Variants in CFAP57 observed in about 807,000 individuals in gnomAD.
The protein encoded by CFAP57 is cilia- and flagella-associated protein 57.
A neutral mutation model predicts 146.8 loss-of-function variants in CFAP57; 116 were observed. The ratio of observed to expected loss-of-function variants is 0.79; its 90% CI spans 0.68 to 0.92. The LOEUF (loss-of-function observed/expected upper bound fraction) is 0.92. Ranked by LOEUF, CFAP57 falls within the 40% of genes least tolerant of loss-of-function variation. The pLI, the probability that CFAP57 is intolerant of heterozygous loss-of-function variation, is 0.00. For synonymous variants in CFAP57, 518 were observed against 552.8 expected, an observed-to-expected ratio of 0.94 and a Z score of 0.88; for missense variants, 1,377 against 1,527.2, an observed-to-expected ratio of 0.90 and a Z score of 1.64.
chr1:43,173,355 T>A (rs1645050998), intron 2 of CFAP57, among the ~76,000 whole-genome samples: 1 of 152,258 alleles, frequency 6.6e-6, no homozygotes, highest in African/African-American at 2.4e-5. Flanking sequence ...CCCTTATTTT[T>A]GTTCACAGTG....
At chr1:43,176,974 G>T in intron 2 of CFAP57, 1 of 364,524 alleles carries the variant, frequency 2.7e-6, no homozygotes, top group South Asian at 2.0e-5. Flanking sequence ...GGTAAGAACC[G>T]GGGGGTGAGG....
chr1:43,223,388 T>G (rs1645125334), intron 16 of CFAP57, among the ~76,000 whole-genome samples: 1 of 152,186 alleles, frequency 6.6e-6, no homozygotes, highest in African/African-American at 2.4e-5. Flanking sequence ...GGAGGCATCC[T>G]CGGGCTCTTG....
chr1:43,177,396 A>G (rs980442394), intron 2 of CFAP57, among the ~76,000 whole-genome samples: 1 of 152,172 alleles, frequency 6.6e-6, no homozygotes, highest in African/African-American at 2.4e-5. Context: ...AGAAAGGGCT[A>G]AAGAAGGAGC....
At chr1:43,192,238 C>T (rs1235054982) in intron 6 of CFAP57, among the ~76,000 whole-genome samples, 3 of 152,244 alleles carry the variant, frequency 2.0e-5, no homozygotes, top group East Asian at 3.9e-4. Context: ...GTTCTATATA[C>T]GTCTGTTAGG....
chr1:43,234,450 C>T (rs747723502), intron 20 of CFAP57, 37 bp downstream of exon 20: 9 of 1,542,698 alleles, frequency 5.8e-6, no homozygotes, highest in Non-Finnish European at 7.9e-6. Context: ...GCACTGACCT[C>T]CGGGGTCTCC....
intron 9 of CFAP57, among the ~76,000 whole-genome samples, chr1:43,200,370 C>G (rs901435792): frequency 6.6e-6 from 1 of 151,436 alleles, no homozygotes; most frequent in Non-Finnish European, 1.5e-5. Context: ...ACCTGTGGTC[C>G]CAGTTACTTG....
chr1:43,172,449 G>C lies in CFAP57; in HGVS notation c.-24G>C. ...GTGGTCTGCTGACCCAGAGAGAAAC[G>C]AAAGGTGGGAGGGGGTACCTGGGGG... On this transcript the variant is annotated 5_prime_UTR_variant, in exon 1 of 23. Coordinates refer to ENST00000372492, the MANE Select transcript of CFAP57 (RefSeq NM_001378189.1). 1.9e-6 allele frequency: 3 copies of C among 1,547,868 alleles called. No individual in the cohort carries two copies. The highest frequency in any genetic ancestry group is 2.6e-6 in the Non-Finnish European group (3 of 1,144,766).
Position 43,234,487 on chromosome 1 carries a change from C to G in CFAP57, c.3262-8C>G. The G allele has an allele frequency of 6.5e-7, 1 of 1,546,586 alleles. No individual in the cohort carries two copies. Among genetic ancestry groups the G allele is most frequent in the Non-Finnish European group, 8.7e-7 (1 of 1,144,538 alleles). On this transcript the variant is annotated splice_polypyrimidine_tract_variant and splice_region_variant and intron_variant, in intron 20 of 22. Transcript: ENST00000372492. ...CTCCCTCACTGAGAATCTCCTGGGCCCCGTCAGGTGGAGATCGCAGGGCTG... is the reference window on the plus strand; with the variant it reads ...CTCCCTCACTGAGAATCTCCTGGGCGCCGTCAGGTGGAGATCGCAGGGCTG...
intron 2 of CFAP57, among the ~76,000 whole-genome samples, chr1:43,176,179 C>T (rs12024776): frequency 0.068 from 10,398 of 152,090 alleles, 711 homozygotes; most frequent in East Asian, 0.29. Flanking sequence ...TGGGAAGAAA[C>T]CCCCAATGTT....
At chr1:43,208,250 C>T (rs1644439754) in intron 10 of CFAP57, among the ~76,000 whole-genome samples, 1 of 152,144 alleles carries the variant, frequency 6.6e-6, no homozygotes, top group African/African-American at 2.4e-5. Context: ...GGTGATTCCT[C>T]AAGGATCTAG....
chr1:43,222,310 C>T lies in CFAP57; in HGVS notation c.2532+15C>T, dbSNP rs2124561301. The stretch of plus-strand genomic sequence containing the variant: ...TTCTGGAAGAGGTACTCACAGGAAG[C>T]CATGCTGTGCCTCCCTTTCACAGAG... On this transcript the variant is annotated intron_variant, in intron 15 of 22. Transcript: ENST00000372492. The T allele has an allele frequency of 7.1e-7, 1 of 1,406,730 alleles. No homozygotes were observed. 87.1% of individuals were successfully genotyped at this position (1,406,730 alleles called of 1,614,324 possible).
At chr1:43,173,056 T>A in intron 2 of CFAP57, 146 bp downstream of exon 2, 1 of 706,912 alleles carries the variant, frequency 1.4e-6, no homozygotes. Flanking sequence ...AAATGGCGAC[T>A]TGTATTATGA....
Position 43,238,401 on chromosome 1 carries a change from C to T in CFAP57, c.3405+3763C>T, listed in dbSNP as rs1045444293. ...TGGACAGCTTGGCAGAGCCCCTTTG[C>T]TTAGAAAGCTTTTTACATAAACAGT... On this transcript the variant is annotated intron_variant, in intron 21 of 22. Transcript: ENST00000372492. The surrounding 1 kb of genome is among the most constrained non-coding windows in gnomAD (Gnocchi z 4.3). Among the ~76,000 whole-genome samples the T allele has an allele frequency of 1.2e-4, 19 of 152,162 alleles. No homozygotes were observed. The highest frequency in any genetic ancestry group is 4.1e-4 in the African/African-American group (17 of 41,436).
chr1:43,241,210 C>T (rs188463879), intron 21 of CFAP57, among the ~76,000 whole-genome samples: 7 of 152,306 alleles, frequency 4.6e-5, no homozygotes, highest in African/African-American at 1.4e-4. Flanking sequence ...AGGATGGCAC[C>T]AAGCCCTTCA....
intron 6 of CFAP57, among the ~76,000 whole-genome samples, chr1:43,191,606 A>G (rs907382850): frequency 2.1e-5 from 3 of 142,244 alleles, no homozygotes; most frequent in East Asian, 4.0e-4. Context: ...AAAAAAAAAA[A>G]GTAATATTCC....
At position 43,232,710 on chromosome 1, in the gene CFAP57, C is replaced by T. The variant is rs1235491245; in HGVS notation, c.3126+86C>T. On this transcript the variant is annotated intron_variant, in intron 19 of 22. Transcript: ENST00000372492. The stretch of plus-strand genomic sequence containing the variant: ...GGCAGCTGGCTTCCAAGAGGCAGAG[C>T]CAGCCCACTGCGAGGATATGTTTCC... 5.6e-6 allele frequency: 5 copies of T among 888,764 alleles called. No individual in the cohort carries two copies. In the East Asian group the frequency reaches 1.1e-4, roughly 19 times the overall value. 55.1% of individuals were successfully genotyped at this position (888,764 alleles called of 1,614,324 possible).
intron 9 of CFAP57, among the ~76,000 whole-genome samples, chr1:43,203,100 G>A (rs1644204713): frequency 1.3e-5 from 2 of 152,080 alleles, no homozygotes; most frequent in African/African-American, 4.8e-5. Flanking sequence ...ATGAACCTGG[G>A]GGATGGAGGT....
intron 21 of CFAP57, among the ~76,000 whole-genome samples, chr1:43,240,936 G>A (rs946877796): frequency 5.9e-5 from 9 of 152,228 alleles, no homozygotes; most frequent in Non-Finnish European, 1.2e-4. Flanking sequence ...CTGGGTTCAT[G>A]CCATTCTCCT....
chr1:43,210,316 G>A lies in CFAP57; in HGVS notation c.1929+400G>A, dbSNP rs370610166. 1.3e-5 allele frequency: 18 copies of A among 1,411,204 alleles called. No individual in the cohort carries two copies. In the African/African-American group the frequency reaches 2.3e-4, roughly 18 times the overall value. 87.4% of individuals were successfully genotyped at this position (1,411,204 alleles called of 1,614,324 possible). A position where few individuals can be genotyped will look rare whatever the true frequency, so the allele number is the denominator to read the frequency against. Reference sequence around the variant, plus strand: ...CCTACCTCTCCCTGAGGGTACAAAAGGCCACCCCAGGGGCAATACCATGAG... The same window carrying A: ...CCTACCTCTCCCTGAGGGTACAAAAAGCCACCCCAGGGGCAATACCATGAG... On this transcript the variant is annotated intron_variant, in intron 11 of 22. Coordinates refer to ENST00000372492, the MANE Select transcript of CFAP57 (RefSeq NM_001378189.1).
Sources: allele counts gnomAD v4.1 joint callset (sites outside exome capture counted in the v4.1 genomes callset), GRCh38; gene constraint gnomAD v4.1.1; non-coding constraint Gnocchi (gnomAD v3.1); transcripts MANE v1.5; gene names NCBI Gene and HGNC (gene_info 2026-07-23, HGNC 2026-07-21).